Variants in ZNF420 observed in about 807,000 individuals in gnomAD.
ZNF420 encodes the protein ATM and p53-associated KZNF protein.
In ZNF420, 31 loss-of-function variants were observed where a neutral mutation model predicts 44.7. The observed-to-expected ratio is 0.69, with a 90% CI of 0.52 to 0.94. The LOEUF (loss-of-function observed/expected upper bound fraction) is 0.94, where lower values mean the gene tolerates loss of function less well. Ranked by LOEUF, ZNF420 falls within the 40% of genes least tolerant of loss-of-function variation. The pLI is 0.00. For synonymous variants in ZNF420, 245 were observed against 267.4 expected, an observed-to-expected ratio of 0.92 and a Z score of 0.82; for missense variants, 681 against 827.9, an observed-to-expected ratio of 0.82 and a Z score of 2.18.
intron 2 of ZNF420, among the ~76,000 whole-genome samples, chr19:37,083,086 C>G (rs1423529700): frequency 2.0e-5 from 3 of 151,816 alleles, no homozygotes; most frequent in African/African-American, 7.3e-5. Flanking sequence ...GTCTCGATCT[C>G]CTGACCTTGT....
chr19:37,032,524 G>T (rs1399121890), intron 1 of ZNF420, among the ~76,000 whole-genome samples: 1 of 109,454 alleles, frequency 9.1e-6, no homozygotes, highest in East Asian at 2.1e-4. Flanking sequence ...AAAAAAAAAA[G>T]GCTGGGTGCC....
At chr19:37,051,163 A>C (rs1187352077) in intron 1 of ZNF420, among the ~76,000 whole-genome samples, 1 of 151,868 alleles carries the variant, frequency 6.6e-6, no homozygotes, top group Non-Finnish European at 1.5e-5. Context: ...GTTCATCAGG[A>C]ATATTGGTCT....
At chr19:37,061,291 G>A (rs1658194053) in intron 1 of ZNF420, among the ~76,000 whole-genome samples, 3 of 152,208 alleles carry the variant, frequency 2.0e-5, no homozygotes, top group Admixed American at 6.5e-5. Flanking sequence ...AGTAAGAGAA[G>A]AATAAAATTT....
At chr19:37,013,993 G>A (rs1018964489) in intron 1 of ZNF420, among the ~76,000 whole-genome samples, 1 of 152,184 alleles carries the variant, frequency 6.6e-6, no homozygotes, top group Non-Finnish European at 1.5e-5. Context: ...GGGCTATGGG[G>A]ACCTTCGGAA....
chr19:37,061,989 T>G (rs1257206697), intron 1 of ZNF420, among the ~76,000 whole-genome samples: 2 of 152,244 alleles, frequency 1.3e-5, no homozygotes, highest in Non-Finnish European at 2.9e-5. Flanking sequence ...GCCTCACTTT[T>G]AGGTCATAAA....
At chr19:37,108,468 CTA>C (rs1318178046) in intron 4 of ZNF420, 1 of 152,142 alleles carries the variant, frequency 6.6e-6, no homozygotes, top group East Asian at 1.9e-4. Flanking sequence ...GGTTTAATAA[CTA>C]TATTTCCTAC....
chr19:37,072,864 A>G (rs1384431545), intron 1 of ZNF420, among the ~76,000 whole-genome samples: 1 of 152,140 alleles, frequency 6.6e-6, no homozygotes, highest in African/African-American at 2.4e-5. Context: ...GTCTTTTTAA[A>G]TATTATGAAC....
At chr19:37,083,396 G>A (rs1968582051) in intron 2 of ZNF420, among the ~76,000 whole-genome samples, 1 of 151,978 alleles carries the variant, frequency 6.6e-6, no homozygotes, top group South Asian at 2.1e-4. Flanking sequence ...TCAATGTCTT[G>A]GTTACCTGAA....
chr19:37,059,720 G>A (rs1967834810), intron 1 of ZNF420, among the ~76,000 whole-genome samples: 1 of 152,146 alleles, frequency 6.6e-6, no homozygotes, highest in Non-Finnish European at 1.5e-5. Context: ...TCGTTCTTGC[G>A]GAGAGCAGAA....
chr19:37,129,777 A>T lies in ZNF420; in HGVS notation c.*719A>T. 1 of 255,630 alleles carries T rather than the reference A, an allele frequency of 3.9e-6. No individual in the cohort carries two copies. Among genetic ancestry groups the T allele is most frequent in the Non-Finnish European group, 7.1e-6 (1 of 140,008 alleles). 15.8% of individuals were successfully genotyped at this position (255,630 alleles called of 1,614,324 possible). On this transcript the variant is annotated 3_prime_UTR_variant, in exon 5 of 5. Transcript: ENST00000337995. ...AAAAAAAAACCCAGTGGATGTAATC[A>T]GTGTATTATTGAGCACAGCTGTTAG...
At chr19:37,075,986 T>TC (rs1968140737), upstream of ZNF420, among the ~76,000 whole-genome samples, 2 of 135,496 alleles carry the variant, frequency 1.5e-5, no homozygotes, top group African/African-American at 5.8e-5. Context: ...TCCTGCAGTC[T>TC]ACGTTTCTGA....
chr19:37,091,082 G>C lies in ZNF420; in HGVS notation c.97G>C (p.Asp33His), dbSNP rs747659700. ...CTCTGCTCAGAGAGATTTGTATAGA[G>C]ATGTGATGTTGGAGAACTATAGCAA... is the stretch of plus-strand genomic sequence containing the variant. ...LDSAQRDLYR[D>H]VMLENYSNLV... is the part of the protein sequence containing the mutation. Residue 33 changes from aspartate to histidine, a missense_variant, in exon 4 of 5, where the codon GAT becomes CAT. By Grantham distance (81) the Asp-to-His change is moderately conservative. Transcript: ENST00000337995. 3.1e-6 allele frequency: 5 copies of C among 1,606,152 alleles called. No individual in the cohort carries two copies. In the African/African-American group the frequency reaches 6.7e-5, roughly 22 times the overall value.
chr19:37,103,829 T>TTCTA (rs143880553), intron 4 of ZNF420, among the ~76,000 whole-genome samples: 58 of 152,324 alleles, frequency 3.8e-4, no homozygotes, highest in East Asian at 3.3e-3. Context: ...CCTTAATTTC[T>TTCTA]TCTATCTTAA....
chr19:37,116,501 C>T (rs1220400635), intron 4 of ZNF420, among the ~76,000 whole-genome samples: 1 of 152,036 alleles, frequency 6.6e-6, no homozygotes, highest in Non-Finnish European at 1.5e-5. Context: ...ATAGGAACAG[C>T]TCTGGTCTAC....
intron 1 of ZNF420, among the ~76,000 whole-genome samples, chr19:37,016,071 A>G (rs1568419415): frequency 1.3e-5 from 2 of 152,162 alleles, no homozygotes; most frequent in Non-Finnish European, 2.9e-5. Context: ...GGTAGCTGTG[A>G]TAATTCTTGA....
Position 37,043,485 on chromosome 19 carries a change from T to C in ZNF420, c.-125+35403T>C, listed in dbSNP as rs115782591. ...CGGGGATTTTTAAGGGGCTGGCCCC[T>C]TTATTCTTTCCTCTATGTTAATTTT... On this transcript the variant is annotated intron_variant, in intron 1 of 4. Coordinates refer to the ZNF420 transcript ENST00000587029. Among the ~76,000 whole-genome samples, 1,218 of 152,352 alleles carry C rather than the reference T, an allele frequency of 8.0e-3. 18 individuals carry two copies. The highest frequency in any genetic ancestry group is 0.027 in the African/African-American group (1,129 of 41,578).
intron 1 of ZNF420, among the ~76,000 whole-genome samples, chr19:37,056,440 G>T (rs1271524622): frequency 2.6e-5 from 4 of 152,108 alleles, no homozygotes; most frequent in Non-Finnish European, 4.4e-5. Flanking sequence ...TCTTGGGGAC[G>T]CCAGTGACAC....
chr19:37,105,975 A>T (rs1174500953), intron 4 of ZNF420, among the ~76,000 whole-genome samples: 1 of 152,218 alleles, frequency 6.6e-6, no homozygotes, highest in East Asian at 1.9e-4. Flanking sequence ...TGTCATCTGC[A>T]AACAGGGACA....
At chr19:37,072,048 A>C (rs1472402789) in intron 1 of ZNF420, among the ~76,000 whole-genome samples, 1 of 152,194 alleles carries the variant, frequency 6.6e-6, no homozygotes, top group African/African-American at 2.4e-5. Flanking sequence ...AAATACTCGA[A>C]TAACATTGTA....
Sources: gnomAD v4.1 joint callset for allele counts (sites outside exome capture counted in the v4.1 genomes callset) on GRCh38, gnomAD v4.1.1 for gene constraint, MANE v1.5 for transcripts, NCBI Gene and HGNC (gene_info 2026-07-23, HGNC 2026-07-21) for gene names.